Variants in PTPRD observed in about 807,000 individuals in gnomAD.
The protein encoded by PTPRD is receptor-type tyrosine-protein phosphatase delta.
A neutral mutation model predicts 214.5 loss-of-function variants in PTPRD; 34 were observed. That is an observed-to-expected ratio of 0.16 (90% CI 0.12 to 0.21). The LOEUF is 0.21. PTPRD is among the 10% of genes least tolerant of loss of function. The probability of loss-of-function intolerance (pLI) is 1.00; values close to 1 mark genes in which losing one functional copy is unlikely to be tolerated. For missense variants in PTPRD, 2,545 were observed against 2,398.7 expected (o/e 1.06, Z -1.27); for synonymous variants, 1,128 against 845.7 (o/e 1.33, Z -5.79).
chr9:10,267,397 G>A (rs2094142326), intron 3 of PTPRD, among the ~76,000 whole-genome samples: 1 of 152,004 alleles, frequency 6.6e-6, no homozygotes, highest in Admixed American at 6.6e-5. Context: ...TTTAAGCAAT[G>A]AAAAAAATGT....
chr9:8,992,446 T>C (rs948748413), intron 11 of PTPRD, among the ~76,000 whole-genome samples: 3 of 152,144 alleles, frequency 2.0e-5, no homozygotes, highest in Non-Finnish European at 2.9e-5. Context: ...ATTGGGACTA[T>C]TCCCAGCAGG....
intron 33 of PTPRD, among the ~76,000 whole-genome samples, chr9:8,457,674 T>C (rs575154790): frequency 1.3e-5 from 2 of 152,222 alleles, no homozygotes; most frequent in African/African-American, 4.8e-5. Flanking sequence ...AATGCTAGCA[T>C]CTTAGAAGCA....
intron 5 of PTPRD, among the ~76,000 whole-genome samples, chr9:9,784,171 T>A (rs1359056306): frequency 6.6e-6 from 1 of 152,144 alleles, no homozygotes; most frequent in African/African-American, 2.4e-5. Flanking sequence ...AAATTATTCT[T>A]TGACATATAA....
At chr9:9,562,297 T>C (rs577349307) in intron 8 of PTPRD, among the ~76,000 whole-genome samples, 1 of 152,236 alleles carries the variant, frequency 6.6e-6, no homozygotes, top group East Asian at 1.9e-4. Flanking sequence ...ACCTAGAAAA[T>C]TTATCTAAAT....
chr9:10,536,491 CATA>C (rs2057828867), intron 2 of PTPRD, among the ~76,000 whole-genome samples: 1 of 152,054 alleles, frequency 6.6e-6, no homozygotes, highest in Non-Finnish European at 1.5e-5. Context: ...TGAGAAACTT[CATA>C]ATAATAATTT....
chr9:8,480,465 A>C (rs192164114), intron 30 of PTPRD, among the ~76,000 whole-genome samples: 11 of 152,310 alleles, frequency 7.2e-5, no homozygotes, highest in Admixed American at 4.6e-4. Flanking sequence ...TTGCTTGTCC[A>C]AATTGCCCAA....
intron 8 of PTPRD, among the ~76,000 whole-genome samples, chr9:9,507,325 T>C (rs1445275132): frequency 6.6e-6 from 1 of 151,242 alleles, no homozygotes; most frequent in Non-Finnish European, 1.5e-5. Context: ...TTAAGAATGC[T>C]ACCTGGGTAA....
chr9:8,357,532 G>T (rs2077276633), intron 39 of PTPRD, among the ~76,000 whole-genome samples: 1 of 152,176 alleles, frequency 6.6e-6, no homozygotes, highest in African/African-American at 2.4e-5. Context: ...TTTGAGACAA[G>T]CAATAGTTCC....
rs538957122 is a variant in PTPRD, at chr9:8,873,797, A to T, written c.-103-139851T>A. Among the ~76,000 whole-genome samples the T allele has an allele frequency of 2.0e-5, 3 of 152,272 alleles. No individual in the cohort carries two copies. In the East Asian group the frequency reaches 5.8e-4, roughly 29 times the overall value. The stretch of plus-strand genomic sequence containing the variant: ...GCAACCCTGCAGAGAAATATGAGTG[A>T]CAGGAAATGAAGAGAGGGAGGTAAG... On this transcript the variant is annotated intron_variant, in intron 11 of 45. Coordinates refer to ENST00000381196, the MANE Select transcript of PTPRD (RefSeq NM_002839.4).
intron 2 of PTPRD, among the ~76,000 whole-genome samples, chr9:10,582,580 A>G (rs2072311916): frequency 6.6e-6 from 1 of 152,194 alleles, no homozygotes; most frequent in African/African-American, 2.4e-5. Flanking sequence ...TCTACTACAT[A>G]TCTGGGATGA....
chr9:9,447,735 A>G (rs1301613031), intron 8 of PTPRD, among the ~76,000 whole-genome samples: 1 of 152,158 alleles, frequency 6.6e-6, no homozygotes, highest in Non-Finnish European at 1.5e-5. Flanking sequence ...TCATTTGATT[A>G]CAATTGCTAT....
chr9:8,376,760 G>C (rs766986984), intron 37 of PTPRD, 34 bp from the exon 38 acceptor site: 14 of 1,609,518 alleles, frequency 8.7e-6, no homozygotes, highest in Admixed American at 3.4e-5. Flanking sequence ...CAGGGCAAAT[G>C]CTCATCAATT....
intron 12 of PTPRD, among the ~76,000 whole-genome samples, chr9:8,718,583 A>C (rs2098460900): frequency 6.6e-6 from 1 of 152,152 alleles, no homozygotes; most frequent in Non-Finnish European, 1.5e-5. Flanking sequence ...AGTTGAATAG[A>C]CTTAACTATT....
At chr9:9,711,098 G>A (rs1374186453) in intron 7 of PTPRD, among the ~76,000 whole-genome samples, 2 of 152,106 alleles carry the variant, frequency 1.3e-5, no homozygotes, top group South Asian at 2.1e-4. Flanking sequence ...CAGGCCATGC[G>A]AGACCCTAAA....
intron 11 of PTPRD, among the ~76,000 whole-genome samples, chr9:8,753,373 A>G (rs6477351): frequency 0.051 from 7,702 of 152,254 alleles, 482 homozygotes; most frequent in African/African-American, 0.15. Flanking sequence ...TTTAGATGCT[A>G]TTTTCCTTAA....
At chr9:10,459,547 T>G (rs570539688) in intron 2 of PTPRD, among the ~76,000 whole-genome samples, 2 of 152,154 alleles carry the variant, frequency 1.3e-5, no homozygotes, top group Non-Finnish European at 2.9e-5. Context: ...CTTCTCCACA[T>G]CCTCTCCAGC....
In PTPRD at chr9:9,576,598, T is replaced by C. The variant is rs150140263; in HGVS notation, c.-286-1817A>G. ...GTGACCTTCTTTCTTGCCCTCCCTT[T>C]TTATCTAGAGGTGCAGCAAATTAAA... On this transcript the variant is annotated intron_variant, in intron 7 of 45. Transcript: ENST00000381196. Among the ~76,000 whole-genome samples the C allele has an allele frequency of 6.0e-4, 91 of 152,304 alleles. No homozygotes were observed. In the East Asian group the frequency reaches 0.015, roughly 26 times the overall value.
chr9:9,478,600 A>G (rs1429675923), intron 8 of PTPRD, among the ~76,000 whole-genome samples: 1 of 152,184 alleles, frequency 6.6e-6, no homozygotes, highest in Non-Finnish European at 1.5e-5. Flanking sequence ...TTTATTTCCT[A>G]CTGTCCTGCA....
At chr9:9,165,146 G>A (rs984190359) in intron 10 of PTPRD, among the ~76,000 whole-genome samples, 3 of 151,602 alleles carry the variant, frequency 2.0e-5, no homozygotes, top group South Asian at 4.2e-4. Context: ...CTACCTGAAA[G>A]ACATATTTTT....
Sources: allele counts gnomAD v4.1 joint callset (sites outside exome capture counted in the v4.1 genomes callset), GRCh38; gene constraint gnomAD v4.1.1; transcripts MANE v1.5; gene names NCBI Gene and HGNC (gene_info 2026-07-23, HGNC 2026-07-21).